PRH1: variants seen among roughly 807,000 people sequenced by gnomAD.
PRH1 encodes the protein proline rich protein HaeIII subfamily 1.
Under a neutral mutation model 7.9 loss-of-function variants are expected in PRH1, and 7 were observed. The ratio of observed to expected loss-of-function variants is 0.89; its 90% CI spans 0.50 to 1.67. The LOEUF (loss-of-function observed/expected upper bound fraction) is 1.67. PRH1 is among the 40% of genes most tolerant of loss of function. The pLI is 0.00. For missense variants in PRH1, 109 were observed against 223.6 expected, an observed-to-expected ratio of 0.49 and a Z score of 3.27; for synonymous variants, 45 against 80.8, an observed-to-expected ratio of 0.56 and a Z score of 2.38.
At chr12:11,024,115 T>C (rs1226209540) in intron 1 of PRH1, among the ~76,000 whole-genome samples, 1 of 152,246 alleles carries the variant, frequency 6.6e-6, no homozygotes, top group Non-Finnish European at 1.5e-5. Flanking sequence ...ATCAGAAAGT[T>C]TCTACTTAAA....
chr12:11,133,476 T>C (rs1313104192), intron 1 of PRH1: 2 of 1,614,102 alleles, frequency 1.2e-6, no homozygotes, highest in South Asian at 2.2e-5. Context: ...ACAGGTTGCT[T>C]TTCCAGCCTC....
chr12:11,033,358 C>T (rs1942306420), intron 1 of PRH1, among the ~76,000 whole-genome samples: 1 of 145,474 alleles, frequency 6.9e-6, no homozygotes, highest in African/African-American at 2.8e-5. Flanking sequence ...CACAGCAAGA[C>T]TCTGTCAAAA....
At chr12:11,029,966 A>G (rs1430856965) in intron 1 of PRH1, among the ~76,000 whole-genome samples, 1 of 152,226 alleles carries the variant, frequency 6.6e-6, no homozygotes, top group Non-Finnish European at 1.5e-5. Context: ...ATGAATTCTA[A>G]GCACAATGTG....
intron 1 of PRH1, among the ~76,000 whole-genome samples, chr12:11,068,163 G>T (rs1305681273): frequency 2.0e-5 from 3 of 152,044 alleles, no homozygotes; most frequent in Non-Finnish European, 4.4e-5. Flanking sequence ...CAGTAATCCA[G>T]ACACTCCCAA....
intron 2 of PRH1, among the ~76,000 whole-genome samples, chr12:10,923,592 A>G (rs908825125): frequency 6.6e-6 from 1 of 152,256 alleles, no homozygotes; most frequent in African/African-American, 2.4e-5. Flanking sequence ...TATCTTTCAC[A>G]TAACTAAAAA....
At chr12:11,065,563 GTTCTC>G in intron 1 of PRH1, among the ~76,000 whole-genome samples, 1 of 152,240 alleles carries the variant, frequency 6.6e-6, no homozygotes, top group South Asian at 2.1e-4. Context: ...TGTTTAACTG[GTTCTC>G]AACTCTGTCT....
intron 1 of PRH1, among the ~76,000 whole-genome samples, chr12:11,052,926 T>A (rs887875220): frequency 1.6e-5 from 2 of 125,892 alleles, no homozygotes; most frequent in Non-Finnish European, 3.8e-5. Context: ...TTTTTTTGAT[T>A]TTTTGTTTTT....
At chr12:10,979,985 C>T (rs1939278282) in intron 1 of PRH1, among the ~76,000 whole-genome samples, 1 of 152,020 alleles carries the variant, frequency 6.6e-6, no homozygotes, top group Non-Finnish European at 1.5e-5. Context: ...TGTCAGACAT[C>T]CAAATGAAGA....
At chr12:11,116,256 C>T, downstream of PRH1, among the ~76,000 whole-genome samples, 1 of 151,858 alleles carries the variant, frequency 6.6e-6, no homozygotes, top group East Asian at 1.9e-4. Context: ...CTACTATGAG[C>T]AACTATATGC....
downstream of PRH1, among the ~76,000 whole-genome samples, chr12:11,119,488 T>C (rs1245730742): frequency 1.3e-5 from 2 of 152,142 alleles, no homozygotes; most frequent in Non-Finnish European, 2.9e-5. Flanking sequence ...CATTCTTATG[T>C]GATTATTACT....
chr12:10,964,188 G>A (rs897203809), intron 2 of PRH1, among the ~76,000 whole-genome samples: 1 of 152,144 alleles, frequency 6.6e-6, no homozygotes, highest in Non-Finnish European at 1.5e-5. Context: ...TAATTTGGCA[G>A]TTTGTAAAAA....
chr12:10,984,632 TAAAC>T (rs994790215), intron 1 of PRH1, among the ~76,000 whole-genome samples: 2 of 152,076 alleles, frequency 1.3e-5, no homozygotes, highest in Non-Finnish European at 2.9e-5. Flanking sequence ...AGATATATGA[TAAAC>T]AAACAAATAA....
At chr12:11,033,198 C>A (rs1421650896) in intron 1 of PRH1, among the ~76,000 whole-genome samples, 1 of 152,064 alleles carries the variant, frequency 6.6e-6, no homozygotes, top group Non-Finnish European at 1.5e-5. Flanking sequence ...GAAACCCCAT[C>A]TCTACTAAAA....
intron 1 of PRH1, among the ~76,000 whole-genome samples, chr12:10,978,407 A>C (rs1565516205): frequency 6.6e-6 from 1 of 152,214 alleles, no homozygotes; most frequent in Non-Finnish European, 1.5e-5. Flanking sequence ...CATATACAAA[A>C]ATCAAAGCAA....
At chr12:11,036,184 C>T (rs1433101041) in intron 1 of PRH1, among the ~76,000 whole-genome samples, 1 of 151,624 alleles carries the variant, frequency 6.6e-6, no homozygotes. Context: ...TGAGCCACCG[C>T]GCCCGCCCTA....
chr12:10,930,622 T>C, intron 2 of PRH1: 1 of 1,610,076 alleles, frequency 6.2e-7, no homozygotes, highest in Non-Finnish European at 8.5e-7. Context: ...AGGAGGGTTT[T>C]CCAGCATGAG....
intron 2 of PRH1, among the ~76,000 whole-genome samples, chr12:10,964,017 A>C (rs965057950): frequency 3.3e-5 from 5 of 152,250 alleles, no homozygotes; most frequent in African/African-American, 1.2e-4. Context: ...GTATGGTACA[A>C]ATAACAGTGG....
At chr12:10,970,084 G>A (rs761157081) in intron 2 of PRH1, among the ~76,000 whole-genome samples, 29 of 152,264 alleles carry the variant, frequency 1.9e-4, no homozygotes, top group South Asian at 1.0e-3. Context: ...TTACAGACGT[G>A]AGCCACTGCA....
At chr12:10,992,724 T>G (rs963226628) in intron 1 of PRH1, among the ~76,000 whole-genome samples, 2 of 151,920 alleles carry the variant, frequency 1.3e-5, no homozygotes, top group Non-Finnish European at 2.9e-5. Context: ...GGAGTATGAG[T>G]TTTTGAAAGT....
Sources: gnomAD v4.1 joint callset for allele counts (sites outside exome capture counted in the v4.1 genomes callset) on GRCh38, gnomAD v4.1.1 for gene constraint, MANE v1.5 for transcripts, NCBI Gene and HGNC (gene_info 2026-07-23, HGNC 2026-07-21) for gene names.